The following RIGI variants were observed in gnomAD, a reference collection of about 807,000 sequenced individuals.
RIGI encodes the protein antiviral innate immune response receptor RIG-I.
At chr9:32,488,651 A>T in the RIGI span, 19 of 1,371,042 alleles carry the variant, frequency 1.4e-5, no homozygotes, top group Non-Finnish European at 1.7e-5. Context: ...AATTTTTTTA[A>T]ATCATTTGTC....
chr9:32,462,380 A>T, the RIGI span, among the ~76,000 whole-genome samples: 1 of 145,434 alleles, frequency 6.9e-6, no homozygotes, highest in African/African-American at 2.5e-5. Flanking sequence ...AATTTGCTTT[A>T]TATAAAAAAA....
the RIGI span, among the ~76,000 whole-genome samples, chr9:32,502,127 ATGTC>A: frequency 6.7e-6 from 1 of 149,270 alleles, no homozygotes; most frequent in South Asian, 2.1e-4. Context: ...TACATAGTCT[ATGTC>A]TGGCCTCTTA....
chr9:32,486,430 G>A, the RIGI span, among the ~76,000 whole-genome samples: 1 of 147,346 alleles, frequency 6.8e-6, no homozygotes, highest in African/African-American at 2.6e-5. Flanking sequence ...CTCCAGCCTG[G>A]GCAACAGCAC....
chr9:32,494,903 A>G, the RIGI span, among the ~76,000 whole-genome samples: 1 of 151,794 alleles, frequency 6.6e-6, no homozygotes, highest in African/African-American at 2.4e-5. Context: ...TGTATATCAC[A>G]TTTTGTTGAT....
chr9:32,518,389 A>C, the RIGI span, among the ~76,000 whole-genome samples: 1 of 151,576 alleles, frequency 6.6e-6, no homozygotes, highest in Admixed American at 6.6e-5. Context: ...CTGTTTAAAA[A>C]AAAAAAAAGA....
chr9:32,472,672 C>A, the RIGI span, among the ~76,000 whole-genome samples: 1 of 152,198 alleles, frequency 6.6e-6, no homozygotes, highest in Non-Finnish European at 1.5e-5. Flanking sequence ...ACTACCTGCC[C>A]TACACGCTTC....
chr9:32,520,506 C>T, the RIGI span, among the ~76,000 whole-genome samples: 7 of 152,058 alleles, frequency 4.6e-5, no homozygotes, highest in South Asian at 2.1e-4. Flanking sequence ...AATGAAGCCT[C>T]GTCTTCAGAC....
At chr9:32,464,613 G>A in the RIGI span, among the ~76,000 whole-genome samples, 2 of 152,082 alleles carry the variant, frequency 1.3e-5, no homozygotes, top group African/African-American at 2.4e-5. Flanking sequence ...TCCTGACCTC[G>A]TGATCCACCC....
the RIGI span, chr9:32,498,177 T>A: frequency 1.4e-5 from 6 of 426,656 alleles, no homozygotes; most frequent in East Asian, 4.3e-4. Context: ...GGCCAGTCTA[T>A]GAAGGATGTG....
the RIGI span, chr9:32,498,464 A>C: frequency 4.7e-6 from 2 of 423,636 alleles, no homozygotes; most frequent in African/African-American, 4.0e-5. Flanking sequence ...CCAGCCTGTC[A>C]AAATGGCCAC....
chr9:32,469,458 G>A, the RIGI span, among the ~76,000 whole-genome samples: 1 of 152,198 alleles, frequency 6.6e-6, no homozygotes, highest in South Asian at 2.1e-4. Flanking sequence ...GAATGGAGAA[G>A]CAGAGACAGC....
chr9:32,500,704 C>T, the RIGI span: 1 of 1,421,680 alleles, frequency 7.0e-7, no homozygotes, highest in Non-Finnish European at 9.5e-7. Context: ...GAGGCATGAA[C>T]TATAAGTGGA....
At chr9:32,486,664 A>C in the RIGI span, among the ~76,000 whole-genome samples, 3 of 151,888 alleles carry the variant, frequency 2.0e-5, no homozygotes, top group African/African-American at 7.2e-5. Flanking sequence ...AAGCACAGAC[A>C]AAAGGTGGGA....
At chr9:32,506,162 G>T in the RIGI span, among the ~76,000 whole-genome samples, 2 of 152,308 alleles carry the variant, frequency 1.3e-5, no homozygotes, top group African/African-American at 2.4e-5. Context: ...AGATTGCAGT[G>T]AGCTGAGATT....
At chr9:32,500,908 G>A in the RIGI span, 1 of 1,614,062 alleles carries the variant, frequency 6.2e-7, no homozygotes, top group Non-Finnish European at 8.5e-7. Context: ...GGCCCTTGTT[G>A]TTTTTCTCAG....
At chr9:32,508,239 A>ATTTTTTTTTTTTTTTTTTTT in the RIGI span, among the ~76,000 whole-genome samples, 1,281 of 70,272 alleles carry the variant, frequency 0.018, 312 homozygotes, top group South Asian at 0.046. Context: ...TATTTACTTA[A>ATTTTTTTTTTTTTTTTTTTT]TTTTTTTTTT....
the RIGI span, among the ~76,000 whole-genome samples, chr9:32,515,107 T>C: frequency 6.6e-6 from 1 of 152,050 alleles, no homozygotes; most frequent in Non-Finnish European, 1.5e-5. Context: ...GAAACCTGAG[T>C]AATCTTATTT....
At chr9:32,504,954 ATTATATATT>A in the RIGI span, among the ~76,000 whole-genome samples, 10 of 50,074 alleles carry the variant, frequency 2.0e-4, no homozygotes, top group African/African-American at 5.6e-4. Context: ...AAACATATAT[ATTATATATT>A]TATTCTATAT....
the RIGI span, among the ~76,000 whole-genome samples, chr9:32,523,665 G>C: frequency 6.6e-6 from 1 of 151,936 alleles, no homozygotes; most frequent in African/African-American, 2.4e-5. Flanking sequence ...TGGTATCCTT[G>C]CTTCCAGTTT....
Sources: allele counts gnomAD v4.1 joint callset (sites outside exome capture counted in the v4.1 genomes callset), GRCh38; gene constraint gnomAD v4.1.1; transcripts MANE v1.5; gene names NCBI Gene and HGNC (gene_info 2026-07-23, HGNC 2026-07-21).